Variants in NCOA1 observed in about 807,000 individuals in gnomAD.
The protein encoded by NCOA1 is Hin-2 protein.
NCOA1 carries 35 observed loss-of-function variants against 150.9 expected under a neutral mutation model. The ratio of observed to expected loss-of-function variants is 0.23; its 90% CI spans 0.18 to 0.31. NCOA1 has a LOEUF of 0.31. Among genes scored for constraint, NCOA1 ranks in the 10% least tolerant of loss-of-function variants. NCOA1 has a pLI of 1.00. For missense variants in NCOA1, 1,491 were observed against 1,749.3 expected, an observed-to-expected ratio of 0.85 and a Z score of 2.63; for synonymous variants, 590 against 630.0, an observed-to-expected ratio of 0.94 and a Z score of 0.95.
At chr2:24,668,036 A>G (rs1202782806) in intron 6 of NCOA1, among the ~76,000 whole-genome samples, 3 of 152,168 alleles carry the variant, frequency 2.0e-5, no homozygotes, top group Non-Finnish European at 4.4e-5. Context: ...TCACGACTAT[A>G]TCCTCAGTAC....
At chr2:24,761,207 C>G (rs1182745517) in intron 21 of NCOA1, among the ~76,000 whole-genome samples, 1 of 152,188 alleles carries the variant, frequency 6.6e-6, no homozygotes, top group African/African-American at 2.4e-5. Context: ...ATCCTTATTC[C>G]TCTCCTTCAG....
At chr2:24,709,852 A>G (rs1673644836) in intron 13 of NCOA1, among the ~76,000 whole-genome samples, 1 of 152,226 alleles carries the variant, frequency 6.6e-6, no homozygotes, top group Admixed American at 6.5e-5. Flanking sequence ...AGCAATAAAA[A>G]TGAATGAACT....
chr2:24,590,140 T>C (rs1216974357), intron 3 of NCOA1, among the ~76,000 whole-genome samples: 1 of 152,254 alleles, frequency 6.6e-6, no homozygotes, highest in Admixed American at 6.5e-5. Context: ...AAATTCTTTC[T>C]TTAATTCATA....
intron 8 of NCOA1, among the ~76,000 whole-genome samples, chr2:24,686,643 T>A (rs892273952): frequency 6.6e-6 from 1 of 152,216 alleles, no homozygotes. Flanking sequence ...TCTTTTTGCA[T>A]AAATATGTAG....
chr2:24,524,531 G>A (rs1331302625), intron 1 of NCOA1, among the ~76,000 whole-genome samples: 1 of 152,168 alleles, frequency 6.6e-6, no homozygotes, highest in South Asian at 2.1e-4. Context: ...CCGGGCTTAA[G>A]TGATCCTCAT....
intron 3 of NCOA1, among the ~76,000 whole-genome samples, chr2:24,590,777 A>G (rs1198891407): frequency 1.3e-5 from 2 of 152,170 alleles, no homozygotes; most frequent in East Asian, 1.9e-4. Context: ...CTAGTGCCCA[A>G]CAAATTCCTG....
intron 14 of NCOA1, among the ~76,000 whole-genome samples, chr2:24,724,706 A>G (rs1674521843): frequency 6.6e-6 from 1 of 152,104 alleles, no homozygotes; most frequent in East Asian, 1.9e-4. Context: ...AAAACTTAGT[A>G]TTGCTAGTAG....
At position 24,696,229 on chromosome 2, in the gene NCOA1, A is replaced by G. The variant is rs557867215; in HGVS notation, c.809-1429A>G. 2.0e-5 allele frequency among the ~76,000 whole-genome samples: 3 copies of G among 152,292 alleles called. No homozygotes were observed. In the South Asian group the frequency reaches 6.2e-4, roughly 32 times the overall value. On this transcript the variant is annotated intron_variant, in intron 10 of 22. Transcript: ENST00000348332. ...ACATCAGATTCAAGACCCGAAGTTAAAAAGGTCTAATGAATATTTTATTTC... is the reference window on the plus strand; with the variant it reads ...ACATCAGATTCAAGACCCGAAGTTAGAAAGGTCTAATGAATATTTTATTTC...
At chr2:24,515,018 G>T (rs544250891) in intron 1 of NCOA1, among the ~76,000 whole-genome samples, 2 of 152,132 alleles carry the variant, frequency 1.3e-5, no homozygotes, top group South Asian at 4.1e-4. Flanking sequence ...TTATCAATCT[G>T]TGACCTTTGC....
At chr2:24,611,721 G>T (rs958936634) in intron 3 of NCOA1, among the ~76,000 whole-genome samples, 3 of 152,042 alleles carry the variant, frequency 2.0e-5, no homozygotes, top group Admixed American at 1.3e-4. Context: ...TGTTTTATAT[G>T]ATGTAAGACT....
intron 3 of NCOA1, among the ~76,000 whole-genome samples, chr2:24,609,344 T>C (rs1225770349): frequency 6.6e-6 from 1 of 152,254 alleles, no homozygotes; most frequent in East Asian, 1.9e-4. Flanking sequence ...ATTACTTAAA[T>C]GTTTTCAACA....
chr2:24,625,620 C>T (rs1381500131), intron 3 of NCOA1, among the ~76,000 whole-genome samples: 7 of 152,106 alleles, frequency 4.6e-5, no homozygotes, highest in African/African-American at 7.2e-5. Flanking sequence ...CCAAAGGAGA[C>T]ATTTAAAGCT....
At chr2:24,662,417 C>T (rs1671224993) in intron 5 of NCOA1, among the ~76,000 whole-genome samples, 1 of 152,174 alleles carries the variant, frequency 6.6e-6, no homozygotes, top group Non-Finnish European at 1.5e-5. Flanking sequence ...CTTCAGCCAG[C>T]ACCATTTGCA....
At chr2:24,688,373 T>A (rs747900781) in intron 8 of NCOA1, among the ~76,000 whole-genome samples, 1 of 152,172 alleles carries the variant, frequency 6.6e-6, no homozygotes, top group Non-Finnish European at 1.5e-5. Flanking sequence ...CCACCAACAG[T>A]GTATAAGCAT....
chr2:24,585,763 A>G (rs1173605382), intron 3 of NCOA1, among the ~76,000 whole-genome samples: 1 of 152,102 alleles, frequency 6.6e-6, no homozygotes, highest in African/African-American at 2.4e-5. Flanking sequence ...ATATACACGT[A>G]TATTTCTTTG....
At chr2:24,505,935 T>G (rs1375306412) in intron 1 of NCOA1, among the ~76,000 whole-genome samples, 2 of 151,624 alleles carry the variant, frequency 1.3e-5, no homozygotes, top group Admixed American at 1.3e-4. Context: ...ACATACAGAG[T>G]AAAGCAGAGC....
At chr2:24,710,622 A>G (rs1673701040) in intron 13 of NCOA1, among the ~76,000 whole-genome samples, 1 of 152,204 alleles carries the variant, frequency 6.6e-6, no homozygotes, top group Non-Finnish European at 1.5e-5. Context: ...TACTACTGAC[A>G]CTTTTTTCCA....
intron 22 of NCOA1, among the ~76,000 whole-genome samples, chr2:24,764,490 A>C (rs1664949767): frequency 6.6e-6 from 1 of 152,226 alleles, no homozygotes; most frequent in South Asian, 2.1e-4. Flanking sequence ...GGCAAAGGGA[A>C]GGAAAAGGGT....
intron 4 of NCOA1, among the ~76,000 whole-genome samples, chr2:24,647,382 T>C (rs1420890202): frequency 6.6e-6 from 1 of 152,178 alleles, no homozygotes; most frequent in Non-Finnish European, 1.5e-5. Flanking sequence ...ATGCCTCAGT[T>C]TTCTCGTCAC....
Sources: gnomAD v4.1 joint callset for allele counts (sites outside exome capture counted in the v4.1 genomes callset) on GRCh38, gnomAD v4.1.1 for gene constraint, MANE v1.5 for transcripts, NCBI Gene and HGNC (gene_info 2026-07-23, HGNC 2026-07-21) for gene names.